Variants in ITGA8 observed in about 807,000 individuals in gnomAD.
ITGA8 encodes integrin alpha-8.
ITGA8 carries 91 observed loss-of-function variants against 142.3 expected under a neutral mutation model. The observed-to-expected ratio is 0.64, with a 90% CI of 0.54 to 0.76. The LOEUF (loss-of-function observed/expected upper bound fraction) is 0.76. Among genes scored for constraint, ITGA8 ranks in the 30% least tolerant of loss-of-function variants. The pLI, the probability that ITGA8 is intolerant of heterozygous loss-of-function variation, is 0.00. For synonymous variants in ITGA8, 505 were observed against 485.2 expected (o/e 1.04, Z -0.54); for missense variants, 1,406 against 1,327.7 (o/e 1.06, Z -0.92).
At chr10:15,635,312 A>C (rs182291368) in intron 13 of ITGA8, among the ~76,000 whole-genome samples, 1 of 152,100 alleles carries the variant, frequency 6.6e-6, no homozygotes, top group Non-Finnish European at 1.5e-5. Flanking sequence ...GCCTTCACTA[A>C]ATCTTTTTAA....
chr10:15,639,090 A>G (rs1208330496), intron 13 of ITGA8, among the ~76,000 whole-genome samples: 1 of 151,770 alleles, frequency 6.6e-6, no homozygotes, highest in Non-Finnish European at 1.5e-5. Flanking sequence ...GATTTGTGCC[A>G]CTGCACTCCA....
At chr10:15,585,649 G>GA (rs988831523) in intron 23 of ITGA8, among the ~76,000 whole-genome samples, 9 of 152,206 alleles carry the variant, frequency 5.9e-5, no homozygotes, top group African/African-American at 2.2e-4. Context: ...AGAATCATCA[G>GA]AAAAAAATCA....
At chr10:15,646,396 C>G (rs562113085) in intron 12 of ITGA8, among the ~76,000 whole-genome samples, 7 of 152,112 alleles carry the variant, frequency 4.6e-5, no homozygotes, top group African/African-American at 1.7e-4. Context: ...TCTTAAAATT[C>G]ATTTAGAGGT....
intron 23 of ITGA8, among the ~76,000 whole-genome samples, chr10:15,584,884 C>G (rs1038444447): frequency 6.6e-6 from 1 of 152,048 alleles, no homozygotes; most frequent in Non-Finnish European, 1.5e-5. Flanking sequence ...TGGTGAAACC[C>G]TGTCTCTACT....
At chr10:15,660,693 T>G in intron 9 of ITGA8, among the ~76,000 whole-genome samples, 186 bp downstream of exon 9, 1 of 152,206 alleles carries the variant, frequency 6.6e-6, no homozygotes, top group East Asian at 1.9e-4. Context: ...TGTGGGCTAA[T>G]GTAGGTGTTC....
chr10:15,559,937 T>C (rs1053796778), intron 25 of ITGA8, among the ~76,000 whole-genome samples: 1 of 152,176 alleles, frequency 6.6e-6, no homozygotes, highest in African/African-American at 2.4e-5. Flanking sequence ...CATGTTTACC[T>C]ATGTAATAAA....
chr10:15,534,270 A>G (rs1833372607), intron 27 of ITGA8, among the ~76,000 whole-genome samples: 1 of 152,240 alleles, frequency 6.6e-6, no homozygotes, highest in African/African-American at 2.4e-5. Flanking sequence ...ATCTGAGATC[A>G]GTCTCAGAGA....
chr10:15,571,326 C>T (rs1007575517), intron 25 of ITGA8, among the ~76,000 whole-genome samples: 4 of 152,144 alleles, frequency 2.6e-5, no homozygotes, highest in African/African-American at 4.8e-5. Context: ...GCCTGCGCTG[C>T]GCCATTTTTA....
At chr10:15,715,632 G>A (rs778463900) in intron 2 of ITGA8, among the ~76,000 whole-genome samples, 7 of 152,220 alleles carry the variant, frequency 4.6e-5, no homozygotes, top group Non-Finnish European at 8.8e-5. Flanking sequence ...TGTGTACCGT[G>A]TCTGGTACAT....
In ITGA8 at chr10:15,613,721, T is replaced by A; in HGVS notation, c.1492A>T (p.Met498Leu). 1 of 1,614,116 alleles carries A rather than the reference T, an allele frequency of 6.2e-7. No homozygotes were observed. Among genetic ancestry groups the A allele is most frequent in the Non-Finnish European group, 8.5e-7 (1 of 1,179,994 alleles). The change falls in exon 15 of 30, where the codon ATG becomes TTG. Residue 498 changes from methionine (M) to leucine (L), a missense_variant. By Grantham distance (15) the Met-to-Leu change is conservative. Coordinates refer to ENST00000378076, the MANE Select transcript of ITGA8 (RefSeq NM_003638.3). ...GTTTTATTTTCAAGATTGATAATCA[T>A]TGGGTGCAGCAGAAGCTGGGCATCT... ...TVDAQLLLHP[M>L]IINLENKTCQ...
chr10:15,635,918 T>TACACACACACACACACAC (rs4030579), intron 13 of ITGA8, among the ~76,000 whole-genome samples: 5 of 143,128 alleles, frequency 3.5e-5, no homozygotes, highest in Admixed American at 2.8e-4. Context: ...TTGCTTATAC[T>TACACACACACACACACAC]ACACACACAC....
chr10:15,716,223 C>T (rs754178668), intron 2 of ITGA8, among the ~76,000 whole-genome samples: 21 of 152,148 alleles, frequency 1.4e-4, no homozygotes, highest in Non-Finnish European at 2.5e-4. Context: ...TTCTTTCTCT[C>T]ACTTTGTTCC....
At chr10:15,604,058 G>A (rs1833149917) in intron 20 of ITGA8, 150 bp downstream of exon 20, 1 of 689,748 alleles carries the variant, frequency 1.4e-6, no homozygotes, top group Non-Finnish European at 2.5e-6. Flanking sequence ...CTGCTTTGTG[G>A]CTCATTGCTG....
intron 22 of ITGA8, among the ~76,000 whole-genome samples, chr10:15,588,193 T>C (rs896405156): frequency 2.6e-5 from 4 of 152,188 alleles, no homozygotes; most frequent in Non-Finnish European, 5.9e-5. Flanking sequence ...AAGGATATGA[T>C]AAAATTCTGC....
rs376938219 is a variant in ITGA8, at chr10:15,676,694, A to G, written c.676+898T>C. Among the ~76,000 whole-genome samples, 8 of 152,288 alleles carry G rather than the reference A, an allele frequency of 5.3e-5. No homozygotes were observed. The East Asian group carries it at 1.2e-3, about 22-fold the overall frequency. On this transcript the variant is annotated intron_variant, in intron 6 of 29. Transcript: ENST00000378076. ...GAGAAATGAATTGTTAAGTTGCAAG[A>G]GTATTTTAAAATATTATTTACATTA...
At chr10:15,558,333 T>A in intron 25 of ITGA8, 131 bp from the exon 26 acceptor site, 1 of 997,330 alleles carries the variant, frequency 1.0e-6, no homozygotes, top group Non-Finnish European at 1.5e-6. Flanking sequence ...AGACCTGTGA[T>A]TACCAGCAGT....
chr10:15,553,220 G>C (rs752651657), intron 26 of ITGA8, among the ~76,000 whole-genome samples: 1 of 151,348 alleles, frequency 6.6e-6, no homozygotes, highest in Non-Finnish European at 1.5e-5. Context: ...TTGCACCACC[G>C]CACTCCAGCC....
intron 13 of ITGA8, among the ~76,000 whole-genome samples, chr10:15,629,363 A>G (rs1290877917): frequency 6.6e-6 from 1 of 152,028 alleles, no homozygotes; most frequent in Non-Finnish European, 1.5e-5. Flanking sequence ...AATTGATAGC[A>G]TATCTTTATA....
At chr10:15,717,560 AG>A (rs1282495857) in intron 2 of ITGA8, among the ~76,000 whole-genome samples, 1 of 152,202 alleles carries the variant, frequency 6.6e-6, no homozygotes, top group African/African-American at 2.4e-5. Flanking sequence ...TAAAAGTAAA[AG>A]CTTATAAAAA....
Sources: allele counts gnomAD v4.1 joint callset (sites outside exome capture counted in the v4.1 genomes callset), GRCh38; gene constraint gnomAD v4.1.1; transcripts MANE v1.5; gene names NCBI Gene and HGNC (gene_info 2026-07-23, HGNC 2026-07-21).